Variants in C9orf153 observed in about 807,000 individuals in gnomAD.
C9orf153 encodes the protein uncharacterized protein C9orf153.
In C9orf153, 10 loss-of-function variants were observed where a neutral mutation model predicts 9.0. That is an observed-to-expected ratio of 1.11 (90% CI 0.69 to 1.89). The LOEUF (loss-of-function observed/expected upper bound fraction) is 1.89. C9orf153 is among the 40% of genes most tolerant of loss of function. C9orf153 has a pLI of 0.00. For missense variants in C9orf153, 108 were observed against 111.0 expected (o/e 0.97, Z 0.12); for synonymous variants, 35 against 37.3 (o/e 0.94, Z 0.23).
At chr9:86,237,774 A>C (rs915111750) in intron 1 of C9orf153, among the ~76,000 whole-genome samples, 1 of 152,142 alleles carries the variant, frequency 6.6e-6, no homozygotes, top group Non-Finnish European at 1.5e-5. Context: ...GCACCTAACA[A>C]CAAAGTGTCA....
In C9orf153 at chr9:86,226,721, T is replaced by C. The variant is rs562362901; in HGVS notation, c.242+1134A>G. On this transcript the variant is annotated intron_variant, in intron 3 of 3. Transcript: ENST00000339137. The stretch of plus-strand genomic sequence containing the variant: ...TAAAGTGTAAGACACTCCCTTCTCA[T>C]TAAAATTCAGCATCATAAGTTTCAT... Among the ~76,000 whole-genome samples the C allele has an allele frequency of 2.6e-5, 4 of 152,258 alleles. No homozygotes were observed. In the South Asian group the frequency reaches 8.3e-4, roughly 32 times the overall value.
chr9:86,235,766 A>AAT (rs1824571999), intron 1 of C9orf153, among the ~76,000 whole-genome samples: 1 of 149,090 alleles, frequency 6.7e-6, no homozygotes, highest in Non-Finnish European at 1.5e-5. Context: ...AAAAAAAAAA[A>AAT]AAGAGAGAGA....
At chr9:86,228,231 C>A (rs868667948) in intron 2 of C9orf153, among the ~76,000 whole-genome samples, 3 of 152,060 alleles carry the variant, frequency 2.0e-5, no homozygotes, top group South Asian at 2.1e-4. Flanking sequence ...GTCAAATCTC[C>A]GATTCACTCC....
chr9:86,258,203 A>G (rs374944466), intron 1 of C9orf153, among the ~76,000 whole-genome samples: 9 of 152,090 alleles, frequency 5.9e-5, no homozygotes, highest in African/African-American at 2.2e-4. Context: ...TTAGCTGGGC[A>G]TGGTGGTGGG....
chr9:86,234,370 C>T (rs1824535422), intron 1 of C9orf153, among the ~76,000 whole-genome samples: 3 of 152,102 alleles, frequency 2.0e-5, no homozygotes, highest in Admixed American at 2.0e-4. Flanking sequence ...ACATAAATAA[C>T]AGGAAATGAA....
chr9:86,257,188 G>A (rs1437723537), intron 1 of C9orf153, among the ~76,000 whole-genome samples: 1 of 152,096 alleles, frequency 6.6e-6, no homozygotes, highest in Non-Finnish European at 1.5e-5. Flanking sequence ...GCTCAAATAA[G>A]CTCTCTACTT....
chr9:86,222,002 C>T (rs1414701680), intron 3 of C9orf153, among the ~76,000 whole-genome samples: 1 of 152,140 alleles, frequency 6.6e-6, no homozygotes, highest in African/African-American at 2.4e-5. Flanking sequence ...TCTCCTGCCT[C>T]AGCCTCCTGA....
chr9:86,244,182 G>T (rs1824814316), intron 1 of C9orf153, among the ~76,000 whole-genome samples: 1 of 152,126 alleles, frequency 6.6e-6, no homozygotes, highest in Non-Finnish European at 1.5e-5. Flanking sequence ...GATACATTGA[G>T]TTAAATAAAA....
rs1824181742 is a variant in C9orf153, at chr9:86,220,802, T to TC, written c.*885dup. On this transcript the variant is annotated 3_prime_UTR_variant, in exon 4 of 4. Coordinates refer to ENST00000339137, the MANE Select transcript of C9orf153 (RefSeq NM_001276366.4). ...TTAATTTCCATTCTCCTATTTTTTT[T>TC]CTGCTAATTCCATCGTATACATTTC... 1 of 152,168 alleles carries TC rather than the reference T, an allele frequency of 6.6e-6. No individual in the cohort carries two copies. The highest frequency in any genetic ancestry group is 1.5e-5 in the Non-Finnish European group (1 of 68,024). The allele number at this position is 152,168 out of a possible 1,614,324, so 9.4% of individuals were successfully genotyped here.
intron 1 of C9orf153, among the ~76,000 whole-genome samples, chr9:86,254,891 C>T (rs1267228529): frequency 6.6e-6 from 1 of 151,962 alleles, no homozygotes; most frequent in Admixed American, 6.6e-5. Context: ...ATGGTGAAAC[C>T]CCGTCTCTTC....
intron 1 of C9orf153, among the ~76,000 whole-genome samples, chr9:86,243,981 A>G (rs920988276): frequency 1.3e-5 from 2 of 152,194 alleles, no homozygotes; most frequent in Non-Finnish European, 2.9e-5. Flanking sequence ...TATGGAGTGT[A>G]CAAGTTGAGT....
rs2025390 is a variant in C9orf153 at position 86,221,873 on chromosome 9, A to T, written c.243-140T>A. 4,399 of 513,440 alleles carry T rather than the reference A, an allele frequency of 8.6e-3. 176 individuals carry two copies. Among genetic ancestry groups the T allele is most frequent in the African/African-American group, 0.08 (3,993 of 50,004 alleles). 31.8% of individuals were successfully genotyped at this position (513,440 alleles called of 1,614,324 possible). ...GGCAGAAAGCCATTTCTAAAGCTTT[A>T]TTTTTAATTTTTATTTATTTATTTA... is the stretch of plus-strand genomic sequence containing the variant. On this transcript the variant is annotated intron_variant, in intron 3 of 3. Coordinates refer to ENST00000339137, the MANE Select transcript of C9orf153 (RefSeq NM_001276366.4).
intron 1 of C9orf153, among the ~76,000 whole-genome samples, chr9:86,243,116 C>T (rs1824785063): frequency 6.8e-6 from 1 of 146,582 alleles, no homozygotes; most frequent in African/African-American, 2.5e-5. Context: ...TGATGTGTTA[C>T]AGACCAGGCA....
At chr9:86,250,670 T>C (rs1824974002) in intron 1 of C9orf153, among the ~76,000 whole-genome samples, 1 of 152,102 alleles carries the variant, frequency 6.6e-6, no homozygotes, top group Non-Finnish European at 1.5e-5. Context: ...TTTGTCTTTA[T>C]TTTATTTAGC....
intron 1 of C9orf153, among the ~76,000 whole-genome samples, chr9:86,231,948 C>T (rs553710519): frequency 6.6e-6 from 1 of 152,264 alleles, no homozygotes; most frequent in East Asian, 1.9e-4. Flanking sequence ...TCTCCCATCA[C>T]CAAGGGTTAA....
chr9:86,255,984 C>T (rs1183945083), intron 1 of C9orf153, among the ~76,000 whole-genome samples: 1 of 152,118 alleles, frequency 6.6e-6, no homozygotes, highest in Non-Finnish European at 1.5e-5. Flanking sequence ...ACTTCTTACC[C>T]ACTTTCACTT....
chr9:86,255,074 A>C (rs1825087134), intron 1 of C9orf153, among the ~76,000 whole-genome samples: 1 of 151,680 alleles, frequency 6.6e-6, no homozygotes. Context: ...GAAAAAAAAA[A>C]AAGAGAGAGA....
At chr9:86,243,394 T>C (rs1824790816) in intron 1 of C9orf153, among the ~76,000 whole-genome samples, 1 of 152,136 alleles carries the variant, frequency 6.6e-6, no homozygotes, top group South Asian at 2.1e-4. Context: ...TTGAAATATA[T>C]TTGGTCTCTG....
At chr9:86,228,381 C>G (rs1824388950) in intron 2 of C9orf153, among the ~76,000 whole-genome samples, 2 of 152,104 alleles carry the variant, frequency 1.3e-5, no homozygotes, top group African/African-American at 4.8e-5. Context: ...CTGTGGGAGA[C>G]TGTGGCCTTT....
Sources: allele counts gnomAD v4.1 joint callset (sites outside exome capture counted in the v4.1 genomes callset), GRCh38; gene constraint gnomAD v4.1.1; transcripts MANE v1.5; gene names NCBI Gene and HGNC (gene_info 2026-07-23, HGNC 2026-07-21).